Variants in DPH6 observed in about 807,000 individuals in gnomAD.
DPH6 encodes the protein diphthamine biosynthesis 6, also known as diphthine--ammonia ligase.
Under a neutral mutation model 38.2 loss-of-function variants are expected in DPH6, and 33 were observed. The ratio of observed to expected loss-of-function variants is 0.86; its 90% CI spans 0.65 to 1.15. DPH6 has a LOEUF of 1.15. DPH6 is among the 50% of genes most tolerant of loss of function. The pLI is 0.00. For synonymous variants in DPH6, 108 were observed against 103.0 expected (o/e 1.05, Z -0.30); for missense variants, 325 against 320.0 (o/e 1.02, Z -0.12).
chr15:35,145,441 T>A, the DPH6 span, among the ~76,000 whole-genome samples: 3,287 of 152,242 alleles, frequency 0.022, 121 homozygotes, highest in African/African-American at 0.076. Context: ...ATTAGAGGAG[T>A]TACAATATGA....
In DPH6 at chr15:35,323,307, T is replaced by C. The variant is rs558674072; in HGVS notation, n.200+50214A>G. The stretch of plus-strand genomic sequence containing the variant: ...TTTCTTATAGAGAATTTTGGTTTTA[T>C]GTCTGGCTTTACACATTTTTGGTTT... On this transcript the variant is annotated intron_variant and non_coding_transcript_variant, in intron 3 of 3. Coordinates refer to the DPH6 transcript ENST00000560386. 4.6e-5 allele frequency among the ~76,000 whole-genome samples: 7 copies of C among 152,334 alleles called. No homozygotes were observed. The South Asian group carries it at 1.4e-3, about 32-fold the overall frequency.
At chr15:35,228,172 A>C (rs2051495075) in intron 3 of DPH6, among the ~76,000 whole-genome samples, 1 of 152,168 alleles carries the variant, frequency 6.6e-6, no homozygotes, top group African/African-American at 2.4e-5. Context: ...TTGTTTGCAT[A>C]AACAAACAAA....
intron 3 of DPH6, among the ~76,000 whole-genome samples, chr15:35,517,508 T>TTCCC (rs2054863426): frequency 1.3e-5 from 2 of 152,162 alleles, no homozygotes; most frequent in African/African-American, 2.4e-5. Flanking sequence ...TTTCTTACTG[T>TTCCC]AACTGGTCAT....
In DPH6 at chr15:35,239,090, C is replaced by T. The variant is rs370659381; in HGVS notation, n.201-18508G>A. Among the ~76,000 whole-genome samples, 2 of 143,850 alleles carry T rather than the reference C, an allele frequency of 1.4e-5. 1 individual carries two copies. The highest frequency in any genetic ancestry group is 4.8e-4 in the South Asian group (2 of 4,190). 94.4% of individuals were successfully genotyped at this position (143,850 alleles called of 152,430 possible). On this transcript the variant is annotated intron_variant and non_coding_transcript_variant, in intron 3 of 3. Coordinates refer to the DPH6 transcript ENST00000560386. ...TGGTGCTGTGACATGGATCGGGGGA[C>T]CTCCCTTGGGAGATCAATCCCCCGT...
intron 7 of DPH6, 71 bp from the exon 8 acceptor site, chr15:35,373,679 T>C (rs1378009509): frequency 1.4e-5 from 16 of 1,167,940 alleles, no homozygotes; most frequent in East Asian, 2.5e-5. Flanking sequence ...TCCTACTGAC[T>C]AGAAGAGACT....
At chr15:35,248,870 T>C (rs1450939168) in intron 3 of DPH6, among the ~76,000 whole-genome samples, 2 of 152,224 alleles carry the variant, frequency 1.3e-5, no homozygotes, top group Non-Finnish European at 2.9e-5. Context: ...AGAGGAGCTA[T>C]GGAAATCATT....
chr15:35,168,516 T>C, the DPH6 span, among the ~76,000 whole-genome samples: 1 of 152,024 alleles, frequency 6.6e-6, no homozygotes, highest in Non-Finnish European at 1.5e-5. Context: ...ATAATGATGA[T>C]GGTCATTAGG....
chr15:35,485,258 A>G (rs184106968), intron 3 of DPH6, among the ~76,000 whole-genome samples: 1 of 152,328 alleles, frequency 6.6e-6, no homozygotes, highest in East Asian at 1.9e-4. Context: ...CATGGGGAAT[A>G]CATCAGAAAT....
chr15:35,365,337 C>T (rs2052648808), intron 3 of DPH6, among the ~76,000 whole-genome samples: 1 of 152,090 alleles, frequency 6.6e-6, no homozygotes, highest in Non-Finnish European at 1.5e-5. Context: ...TATTTTTTAA[C>T]TGTTCAGTTC....
At chr15:35,521,836 G>A (rs1566939200) in intron 3 of DPH6, 4 of 1,319,614 alleles carry the variant, frequency 3.0e-6, no homozygotes, top group Non-Finnish European at 3.8e-6. Context: ...TCCTAAAGGA[G>A]TATAAAAAGC....
At chr15:35,261,832 T>TAA (rs34849713) in intron 3 of DPH6, among the ~76,000 whole-genome samples, 5,867 of 146,986 alleles carry the variant, frequency 0.04, 143 homozygotes, top group Admixed American at 0.058. Flanking sequence ...GACCCTCTCT[T>TAA]AAAAAAAAAA....
intron 3 of DPH6, chr15:35,282,696 T>C (rs148554667): frequency 2.4e-4 from 96 of 394,068 alleles, no homozygotes; most frequent in African/African-American, 1.5e-3. Flanking sequence ...GCAATTTACA[T>C]TGATGTGCCA....
At chr15:35,532,949 C>A (rs943995943) in intron 3 of DPH6, among the ~76,000 whole-genome samples, 1 of 151,414 alleles carries the variant, frequency 6.6e-6, no homozygotes, top group Non-Finnish European at 1.5e-5. Context: ...ACTAAAAAGA[C>A]AAAAAAAATT....
intron 3 of DPH6, among the ~76,000 whole-genome samples, chr15:35,244,225 T>A (rs942306241): frequency 1.4e-4 from 22 of 152,258 alleles, no homozygotes; most frequent in Non-Finnish European, 2.5e-4. Context: ...CAGAATTTTT[T>A]AAATTCCAAA....
intron 3 of DPH6, among the ~76,000 whole-genome samples, chr15:35,289,273 A>G (rs534946412): frequency 1.3e-5 from 2 of 152,328 alleles, no homozygotes; most frequent in African/African-American, 2.4e-5. Flanking sequence ...CCATGGCCAC[A>G]TTGCTGAAAT....
chr15:35,288,673 C>G (rs1401869384), intron 3 of DPH6, among the ~76,000 whole-genome samples: 3 of 152,222 alleles, frequency 2.0e-5, no homozygotes, highest in Non-Finnish European at 1.5e-5. Flanking sequence ...CTCTATCAAC[C>G]CGCATTTTTC....
chr15:35,283,132 CTCT>C (rs989901505), intron 3 of DPH6, among the ~76,000 whole-genome samples: 8 of 148,100 alleles, frequency 5.4e-5, no homozygotes, highest in East Asian at 4.0e-4. Context: ...TTCTCCTCTT[CTCT>C]TCTTCTTCCT....
At chr15:35,283,204 TTCTTCC>T (rs928650833) in intron 3 of DPH6, among the ~76,000 whole-genome samples, 66 of 149,318 alleles carry the variant, frequency 4.4e-4, no homozygotes, top group African/African-American at 1.6e-3. Context: ...TTCTTCTTCT[TTCTTCC>T]TCTTCCTCTT....
At chr15:35,192,799 T>A in the DPH6 span, among the ~76,000 whole-genome samples, 1 of 152,198 alleles carries the variant, frequency 6.6e-6, no homozygotes, top group Non-Finnish European at 1.5e-5. Flanking sequence ...TCAACAACAT[T>A]CATTTATTTA....
Sources: gnomAD v4.1 joint callset for allele counts (sites outside exome capture counted in the v4.1 genomes callset) on GRCh38, gnomAD v4.1.1 for gene constraint, MANE v1.5 for transcripts, NCBI Gene and HGNC (gene_info 2026-07-23, HGNC 2026-07-21) for gene names.